The following KHDC1 variants were observed in gnomAD, a reference collection of about 807,000 sequenced individuals.
KHDC1 encodes the protein KH domain containing 1.
Under a neutral mutation model 24.7 loss-of-function variants are expected in KHDC1, and 21 were observed. The ratio of observed to expected loss-of-function variants is 0.85; its 90% CI spans 0.60 to 1.23. The LOEUF (loss-of-function observed/expected upper bound fraction) is 1.23. KHDC1 is among the 50% of genes most tolerant of loss of function. KHDC1 has a pLI of 0.00. For synonymous variants in KHDC1, 98 were observed against 111.7 expected, an observed-to-expected ratio of 0.88 and a Z score of 0.77; for missense variants, 274 against 298.5, an observed-to-expected ratio of 0.92 and a Z score of 0.61.
intron 2 of KHDC1, 53 bp from the exon 1 acceptor site, chr6:73,263,249 C>T (rs1767019562): frequency 1.0e-6 from 1 of 986,422 alleles, no homozygotes; most frequent in Non-Finnish European, 1.2e-6. Flanking sequence ...CAACCCAGAG[C>T]CCTCCTCCCG....
chr6:73,278,030 T>G (rs1376079381), intron 2 of KHDC1, among the ~76,000 whole-genome samples: 3 of 131,832 alleles, frequency 2.3e-5, no homozygotes, highest in Non-Finnish European at 4.8e-5. Context: ...TTTTTTTTTT[T>G]GAAATGGAGT....
intron 2 of KHDC1, chr6:73,284,780 C>T (rs1017878092): frequency 1.3e-5 from 2 of 152,030 alleles, no homozygotes; most frequent in African/African-American, 4.8e-5. Context: ...CAGGCTTATC[C>T]ACCCTTCCTG....
chr6:73,294,747 T>C (rs1262930197), intron 1 of KHDC1, among the ~76,000 whole-genome samples: 1 of 152,182 alleles, frequency 6.6e-6, no homozygotes, highest in Non-Finnish European at 1.5e-5. Flanking sequence ...TAATCCCCAG[T>C]GTTGGAGGTG....
At position 73,291,973 on chromosome 6, in the gene KHDC1, C is replaced by T. The variant is rs1277145436; in HGVS notation, c.206+25G>A. ...CTTTTTTTGGTAAGATGGCGGGGTA[C>T]GACTTAACTACTCGCATCACGCACC... is the stretch of plus-strand genomic sequence containing the variant. On this transcript the variant is annotated intron_variant, in intron 2 of 4. Transcript: ENST00000370384. The T allele has an allele frequency of 4.3e-6, 7 of 1,613,028 alleles. 1 individual carries two copies. The highest frequency in any genetic ancestry group is 1.7e-4 in the Middle Eastern group (1 of 6,060).
chr6:73,292,877 C>A, intron 1 of KHDC1: 2 of 745,878 alleles, frequency 2.7e-6, no homozygotes, highest in Non-Finnish European at 4.8e-6. Context: ...TAAGAAAAAG[C>A]TGAGAGAATG....
intron 2 of KHDC1, among the ~76,000 whole-genome samples, chr6:73,262,389 C>A (rs1766995910): frequency 6.6e-6 from 1 of 152,172 alleles, no homozygotes. Flanking sequence ...TTTTTTCTTA[C>A]TATTTCCTCA....
At chr6:73,272,603 T>C (rs62438232) in intron 2 of KHDC1, among the ~76,000 whole-genome samples, 41,800 of 151,206 alleles carry the variant, frequency 0.28, 6,415 homozygotes, top group African/African-American at 0.41. Context: ...GGTAAGACCC[T>C]GTCTCTACTA....
At chr6:73,251,238 A>G (rs1257749387) in intron 2 of KHDC1, among the ~76,000 whole-genome samples, 1 of 152,182 alleles carries the variant, frequency 6.6e-6, no homozygotes, top group Non-Finnish European at 1.5e-5. Flanking sequence ...ATAATGAGAG[A>G]AAAAGTCATA....
chr6:73,272,902 A>G (rs1767209152), intron 2 of KHDC1, among the ~76,000 whole-genome samples: 2 of 137,950 alleles, frequency 1.4e-5, no homozygotes, highest in African/African-American at 2.8e-5. Flanking sequence ...TCTGTCACCC[A>G]GGCTGGAGTG....
intron 1 of KHDC1, among the ~76,000 whole-genome samples, chr6:73,307,764 A>T (rs1767997604): frequency 6.6e-6 from 1 of 152,136 alleles, no homozygotes; most frequent in Non-Finnish European, 1.5e-5. Flanking sequence ...TGCCTTGTGG[A>T]GATGACCCTA....
chr6:73,294,178 A>G (rs1215783731), intron 1 of KHDC1, among the ~76,000 whole-genome samples: 1 of 152,058 alleles, frequency 6.6e-6, no homozygotes, highest in African/African-American at 2.4e-5. Context: ...TTATGGATCT[A>G]TTGTCTCTTT....
At chr6:73,292,847 A>C in intron 1 of KHDC1, 1 of 713,614 alleles carries the variant, frequency 1.4e-6, no homozygotes, top group South Asian at 1.4e-5. Context: ...CTTATAGATT[A>C]ACTTTGACTT....
chr6:73,290,257 C>A, intron 2 of KHDC1: 1 of 164,156 alleles, frequency 6.1e-6, no homozygotes, highest in South Asian at 1.7e-4. Context: ...AGCCTGGTGA[C>A]AGAGCGAGAC....
At chr6:73,284,425 G>T (rs1160002740) in intron 2 of KHDC1, among the ~76,000 whole-genome samples, 2 of 152,048 alleles carry the variant, frequency 1.3e-5, no homozygotes, top group African/African-American at 4.8e-5. Context: ...CCCAGAGGTG[G>T]GCTTAGTGCA....
At chr6:73,279,684 ATCC>A (rs951985803) in intron 2 of KHDC1, among the ~76,000 whole-genome samples, 10 of 149,560 alleles carry the variant, frequency 6.7e-5, no homozygotes, top group African/African-American at 2.5e-4. Flanking sequence ...GGCTCGAGCA[ATCC>A]TCCTGCCTCA....
chr6:73,286,716 T>C (rs1484803024), intron 2 of KHDC1, among the ~76,000 whole-genome samples: 1 of 152,116 alleles, frequency 6.6e-6, no homozygotes, highest in Non-Finnish European at 1.5e-5. Context: ...ACCCTGTCTC[T>C]ACTAAAAATC....
At chr6:73,309,279 G>A (rs1018156792) in intron 1 of KHDC1, among the ~76,000 whole-genome samples, 1 of 152,164 alleles carries the variant, frequency 6.6e-6, no homozygotes, top group Non-Finnish European at 1.5e-5. Flanking sequence ...GGGATTCCTG[G>A]GACTTCTAAA....
intron 1 of KHDC1, among the ~76,000 whole-genome samples, chr6:73,308,857 A>G (rs1297866331): frequency 6.6e-6 from 1 of 151,826 alleles, no homozygotes; most frequent in Non-Finnish European, 1.5e-5. Flanking sequence ...CTTGAGACGG[A>G]GTCTCGCTCT....
chr6:73,256,844 G>A (rs147339820), intron 2 of KHDC1, among the ~76,000 whole-genome samples: 2 of 152,234 alleles, frequency 1.3e-5, no homozygotes, highest in Non-Finnish European at 2.9e-5. Flanking sequence ...TCATGCTAAG[G>A]TTTATATTCA....
Sources: gnomAD v4.1 joint callset for allele counts (sites outside exome capture counted in the v4.1 genomes callset) on GRCh38, gnomAD v4.1.1 for gene constraint, MANE v1.5 for transcripts, NCBI Gene and HGNC (gene_info 2026-07-23, HGNC 2026-07-21) for gene names.